Variants in GSE1 observed in about 807,000 individuals in gnomAD.
The protein encoded by GSE1 is Gse1 coiled-coil protein.
GSE1 carries 32 observed loss-of-function variants against 112.6 expected under a neutral mutation model. The observed-to-expected ratio is 0.28, with a 90% CI of 0.21 to 0.38. GSE1 has a LOEUF of 0.38. GSE1 is among the 10% of genes least tolerant of loss of function. The pLI is 1.00. For synonymous variants in GSE1, 1,115 were observed against 735.6 expected (o/e 1.52, Z -8.35); for missense variants, 2,348 against 1,699.2 (o/e 1.38, Z -6.71).
chr16:85,666,078 A>G lies in GSE1; in HGVS notation c.2861A>G (p.Gln954Arg), dbSNP rs531335019. The G allele has an allele frequency of 6.2e-7, 1 of 1,613,354 alleles. No individual in the cohort carries two copies. Among genetic ancestry groups the G allele is most frequent in the African/African-American group, 1.3e-5 (1 of 75,068 alleles). ...PKAAEPGKLE[Q>R]VRPQELSRVQ... ...GCCGCGGAGCCTGGGAAGCTGGAAC[A>G]GGTCCGGCCCCAGGAGCTGTCGAGA... Residue 954 changes from glutamine (Q) to arginine (R), a missense_variant, in exon 13 of 16, where the codon CAG becomes CGG. Physicochemically the swap from Gln to Arg is conservative, Grantham distance 43 (BLOSUM62 1). Coordinates refer to ENST00000253458, the MANE Select transcript of GSE1 (RefSeq NM_014615.5).
intron 1 of GSE1, among the ~76,000 whole-genome samples, chr16:85,619,639 A>G (rs1350800478): frequency 6.6e-6 from 1 of 152,194 alleles, no homozygotes; most frequent in Admixed American, 6.5e-5. Context: ...GGGATTTAGT[A>G]ACCAGATGGG....
At chr16:85,469,503 GT>G (rs1227869801) in intron 2 of GSE1, among the ~76,000 whole-genome samples, 1 of 152,158 alleles carries the variant, frequency 6.6e-6, no homozygotes, top group East Asian at 1.9e-4. Context: ...GCATTTCTTT[GT>G]TTTTAGTCAC....
chr16:85,648,577 C>T lies in GSE1; in HGVS notation c.252C>T (p.Ser84=), dbSNP rs1206608560. 4 of 1,582,972 alleles carry T rather than the reference C, an allele frequency of 2.5e-6. No individual in the cohort carries two copies. In the East Asian group the frequency reaches 7.0e-5, roughly 28 times the overall value. The stretch of plus-strand genomic sequence containing the variant: ...GGTCCTCACTGAGCAGCGAGTCGTC[C>T]CCCGTGTCCTCTCCGGCCACCAACC... ...PRGSSLSSES[S]PVSSPATNHS... The change falls in exon 3 of 16, where the codon TCC becomes TCT. Residue 84 remains serine (S), a synonymous_variant. Transcript: ENST00000253458.
chr16:85,205,227 G>T (rs1164573339), intron 1 of GSE1, among the ~76,000 whole-genome samples: 1 of 152,112 alleles, frequency 6.6e-6, no homozygotes, highest in African/African-American at 2.4e-5. Context: ...CCTCCTGGGG[G>T]TTCAAGCTGT....
At chr16:85,291,651 G>T (rs1468267401) in intron 1 of GSE1, among the ~76,000 whole-genome samples, 2 of 152,204 alleles carry the variant, frequency 1.3e-5, no homozygotes, top group Non-Finnish European at 2.9e-5. Flanking sequence ...AGCCGCAGCT[G>T]CTGACAGAGC....
At chr16:85,246,176 A>C in intron 1 of GSE1, among the ~76,000 whole-genome samples, 1 of 145,266 alleles carries the variant, frequency 6.9e-6, no homozygotes, top group Admixed American at 7.0e-5. Flanking sequence ...GCCCTACTGC[A>C]GGATGCCCCA....
intron 1 of GSE1, among the ~76,000 whole-genome samples, chr16:85,569,013 G>C (rs1295424048): frequency 6.6e-6 from 1 of 152,214 alleles, no homozygotes; most frequent in Non-Finnish European, 1.5e-5. Context: ...TATGATCATG[G>C]TTAGTGTCAT....
At chr16:85,631,105 G>C (rs2151724098) in intron 1 of GSE1, among the ~76,000 whole-genome samples, 1 of 152,350 alleles carries the variant, frequency 6.6e-6, no homozygotes, top group East Asian at 1.9e-4. Context: ...GGGACCACGA[G>C]GACCTGGTTC....
chr16:85,565,377 C>T (rs1429659412), intron 1 of GSE1, among the ~76,000 whole-genome samples: 1 of 146,938 alleles, frequency 6.8e-6, no homozygotes, highest in Non-Finnish European at 1.5e-5. Context: ...GGTGACAGAG[C>T]GAGTGAGACT....
At chr16:85,425,183 A>T (rs572530362) in intron 2 of GSE1, among the ~76,000 whole-genome samples, 14 of 152,222 alleles carry the variant, frequency 9.2e-5, no homozygotes, top group Non-Finnish European at 1.5e-4. Context: ...CCTGTTCTGT[A>T]CCATCTCAGT....
chr16:85,407,871 C>CT (rs1422353333), intron 2 of GSE1, among the ~76,000 whole-genome samples: 2 of 27,230 alleles, frequency 7.3e-5, no homozygotes, highest in Admixed American at 3.0e-4. Flanking sequence ...TCAGGCCCCC[C>CT]GGATAATCCT....
intron 2 of GSE1, among the ~76,000 whole-genome samples, chr16:85,370,095 C>G (rs1317418186): frequency 6.6e-6 from 1 of 152,164 alleles, no homozygotes; most frequent in African/African-American, 2.4e-5. Flanking sequence ...GGGCTGGATA[C>G]TGGCCGGACC....
At position 85,576,124 on chromosome 16, in the gene GSE1, C is replaced by A. The variant is rs1201655037; in HGVS notation, c.37+19761C>A. Among the ~76,000 whole-genome samples the A allele has an allele frequency of 6.6e-5, 10 of 152,310 alleles. No homozygotes were observed. The South Asian group carries it at 1.7e-3, about 25-fold the overall frequency. ...GTGCCCTTTGATTTATCTGATCTCTCTCTGGGTAATAGTATGGAATTAGAC... is the reference window on the plus strand; with the variant it reads ...GTGCCCTTTGATTTATCTGATCTCTATCTGGGTAATAGTATGGAATTAGAC... On this transcript the variant is annotated intron_variant, in intron 1 of 2. Coordinates refer to the GSE1 transcript ENST00000635906.
chr16:85,483,328 C>T (rs760746652), intron 2 of GSE1, among the ~76,000 whole-genome samples: 5 of 152,246 alleles, frequency 3.3e-5, no homozygotes, highest in Admixed American at 6.5e-5. Context: ...AGAACAGAAA[C>T]GGGGCAGAGG....
chr16:85,307,733 C>G (rs972144003), intron 1 of GSE1, among the ~76,000 whole-genome samples: 3 of 152,214 alleles, frequency 2.0e-5, no homozygotes, highest in Non-Finnish European at 4.4e-5. Context: ...CTCCGCACGT[C>G]AAGCTGATGC....
rs1021430401 is a variant in GSE1 at position 85,219,745 on chromosome 16, T to A, written c.2283+47938T>A. ...TTTCCAGAATTGTATTTGGAGCCCC[T>A]CCTTCCCCCTTCTGCAAGCCACAGC... On this transcript the variant is annotated intron_variant, in intron 1 of 2. Transcript: ENST00000637419. Among the ~76,000 whole-genome samples, 11 of 152,328 alleles carry A rather than the reference T, an allele frequency of 7.2e-5. No individual in the cohort carries two copies. The East Asian group carries it at 2.1e-3, about 29-fold the overall frequency.
intron 2 of GSE1, among the ~76,000 whole-genome samples, chr16:85,422,678 G>A (rs573443974): frequency 1.3e-5 from 2 of 152,330 alleles, no homozygotes; most frequent in East Asian, 1.9e-4. Flanking sequence ...TGAAGGAGGC[G>A]AGAGGAGAGA....
At chr16:85,656,801 G>A (rs761469981) in intron 7 of GSE1, 136 bp downstream of exon 7, 25 of 1,254,002 alleles carry the variant, frequency 2.0e-5, no homozygotes, top group Non-Finnish European at 2.6e-5. Context: ...TGGTGTGGCT[G>A]AACATGGAGT....
intron 2 of GSE1, among the ~76,000 whole-genome samples, chr16:85,634,730 C>T (rs920670760): frequency 3.9e-5 from 6 of 152,286 alleles, no homozygotes; most frequent in East Asian, 3.9e-4. Flanking sequence ...AACCTGGGCA[C>T]GTTGCTGATC....
Sources: allele counts gnomAD v4.1 joint callset (sites outside exome capture counted in the v4.1 genomes callset), GRCh38; gene constraint gnomAD v4.1.1; transcripts MANE v1.5; gene names NCBI Gene and HGNC (gene_info 2026-07-23, HGNC 2026-07-21).